Variants in PIK3CB observed in about 807,000 individuals in gnomAD.
The protein encoded by PIK3CB is phosphatidylinositol 4,5-bisphosphate 3-kinase catalytic subunit beta isoform.
PIK3CB carries 39 observed loss-of-function variants against 136.8 expected under a neutral mutation model. The ratio of observed to expected loss-of-function variants is 0.29; its 90% confidence interval spans 0.22 to 0.37. PIK3CB has a LOEUF of 0.37. Ranked by LOEUF, PIK3CB falls within the 10% of genes least tolerant of loss-of-function variation. The pLI, the probability that PIK3CB is intolerant of heterozygous loss-of-function variation, is 1.00. For missense variants in PIK3CB, 868 were observed against 1,275.4 expected, an observed-to-expected ratio of 0.68 and a Z score of 4.87; for synonymous variants, 428 against 436.6, an observed-to-expected ratio of 0.98 and a Z score of 0.25.
intron 1 of PIK3CB, among the ~76,000 whole-genome samples, chr3:138,820,193 A>T (rs1282450778): frequency 1.3e-5 from 2 of 152,174 alleles, no homozygotes; most frequent in Non-Finnish European, 2.9e-5. Context: ...ATGCTAATAT[A>T]TCCCCCAATA....
At chr3:138,832,830 CAAAAAAA>C (rs1219182171) in intron 1 of PIK3CB, among the ~76,000 whole-genome samples, 1,095 of 52,746 alleles carry the variant, frequency 0.021, 28 homozygotes, top group African/African-American at 0.07. Flanking sequence ...AACTCCGTCT[CAAAAAAA>C]AAAAAAAAAA....
intron 19 of PIK3CB, among the ~76,000 whole-genome samples, chr3:138,680,851 C>A (rs905715035): frequency 6.6e-6 from 1 of 151,878 alleles, no homozygotes; most frequent in African/African-American, 2.4e-5. Context: ...CCACAACCTA[C>A]TAATTTTTTG....
chr3:138,682,310 A>T lies in PIK3CB; in HGVS notation c.2426-265T>A, dbSNP rs138396912. On this transcript the variant is annotated intron_variant, in intron 18 of 23. Transcript: ENST00000674063. ...TAAGCATAGCTTCGGAGAACTTTTA[A>T]GATTTTCCTTCCTTGATTATATTCT... Among the ~76,000 whole-genome samples, 356 of 152,306 alleles carry T rather than the reference A, an allele frequency of 2.3e-3. 2 individuals are homozygous for T. Among genetic ancestry groups the T allele is most frequent in the Middle Eastern group, 0.01 (3 of 294 alleles).
chr3:138,664,937 T>G (rs1209117421), intron 20 of PIK3CB, 99 bp downstream of exon 20: 4 of 696,724 alleles, frequency 5.7e-6, no homozygotes, highest in Non-Finnish European at 6.7e-6. Flanking sequence ...TAAAAAACAC[T>G]AATATTTCCT....
At chr3:138,696,207 G>A (rs1187051356) in intron 13 of PIK3CB, among the ~76,000 whole-genome samples, 1 of 147,370 alleles carries the variant, frequency 6.8e-6, no homozygotes, top group Non-Finnish European at 1.5e-5. Flanking sequence ...GTAAGAGATA[G>A]GGTCTCATTC....
chr3:138,697,183 T>C (rs2044154807), intron 13 of PIK3CB, among the ~76,000 whole-genome samples: 1 of 152,172 alleles, frequency 6.6e-6, no homozygotes, highest in Non-Finnish European at 1.5e-5. Flanking sequence ...CACTAGACAC[T>C]ATCCAAAAGA....
At chr3:138,760,414 G>A (rs1356004536) in intron 2 of PIK3CB, among the ~76,000 whole-genome samples, 1 of 152,112 alleles carries the variant, frequency 6.6e-6, no homozygotes, top group Non-Finnish European at 1.5e-5. Flanking sequence ...ATGTTCACAT[G>A]AGGAATAAAC....
intron 22 of PIK3CB, among the ~76,000 whole-genome samples, chr3:138,656,604 T>C (rs2043196271): frequency 6.6e-6 from 1 of 152,200 alleles, no homozygotes; most frequent in Non-Finnish European, 1.5e-5. Context: ...TCAGTTATAA[T>C]TATAATCCAC....
At chr3:138,718,026 T>C (rs1379583650) in intron 8 of PIK3CB, among the ~76,000 whole-genome samples, 1 of 152,216 alleles carries the variant, frequency 6.6e-6, no homozygotes, top group Non-Finnish European at 1.5e-5. Flanking sequence ...GCTAGAATGA[T>C]TTCTATTCCT....
At chr3:138,660,874 A>T (rs2108404209) in intron 21 of PIK3CB, among the ~76,000 whole-genome samples, 1 of 152,380 alleles carries the variant, frequency 6.6e-6, no homozygotes, top group South Asian at 2.1e-4. Context: ...ATATTTAACA[A>T]TGAATCACTA....
At chr3:138,682,185 T>G in intron 18 of PIK3CB, 140 bp from the exon 19 acceptor site, 1 of 567,486 alleles carries the variant, frequency 1.8e-6, no homozygotes, top group South Asian at 2.6e-5. Context: ...TAACAAATAT[T>G]ACACTCTTTG....
At chr3:138,788,684 CA>C (rs1450328139) in intron 2 of PIK3CB, among the ~76,000 whole-genome samples, 1 of 120,172 alleles carries the variant, frequency 8.3e-6, no homozygotes, top group African/African-American at 3.2e-5. Flanking sequence ...AAAAAAAGGC[CA>C]GGGGCGGTGG....
intron 14 of PIK3CB, 39 bp downstream of exon 14, chr3:138,694,747 T>C (rs752529227): frequency 1.2e-6 from 2 of 1,604,656 alleles, no homozygotes; most frequent in African/African-American, 2.7e-5. Flanking sequence ...CCCACCCAAG[T>C]TATTCCTTGC....
intron 8 of PIK3CB, among the ~76,000 whole-genome samples, chr3:138,716,862 C>A (rs2044617898): frequency 7.3e-6 from 1 of 137,428 alleles, no homozygotes; most frequent in African/African-American, 2.8e-5. Flanking sequence ...CCACTACACT[C>A]CAGCCTGGGT....
chr3:138,821,632 A>C (rs1380728624), intron 1 of PIK3CB, among the ~76,000 whole-genome samples: 1 of 151,916 alleles, frequency 6.6e-6, no homozygotes, highest in Non-Finnish European at 1.5e-5. Context: ...TAAAAACACA[A>C]AAATTAGCTG....
chr3:138,772,272 A>G (rs1206924753), intron 2 of PIK3CB, among the ~76,000 whole-genome samples: 2 of 152,142 alleles, frequency 1.3e-5, no homozygotes, highest in Non-Finnish European at 2.9e-5. Flanking sequence ...GGAAGGAAAG[A>G]CACTCATACA....
At chr3:138,763,690 G>A (rs529159024) in intron 2 of PIK3CB, among the ~76,000 whole-genome samples, 1 of 152,314 alleles carries the variant, frequency 6.6e-6, no homozygotes, top group South Asian at 2.1e-4. Context: ...ATAATGCCCA[G>A]AGCAGCAATC....
intron 13 of PIK3CB, 98 bp downstream of exon 13, chr3:138,698,809 C>T: frequency 1.6e-6 from 1 of 643,368 alleles, no homozygotes; most frequent in East Asian, 2.8e-5. Context: ...TTAAATTATC[C>T]TATCTATGAA....
At chr3:138,807,790 T>C (rs2046250500) in intron 1 of PIK3CB, among the ~76,000 whole-genome samples, 1 of 151,686 alleles carries the variant, frequency 6.6e-6, no homozygotes, top group African/African-American at 2.4e-5. Context: ...CTATTTGAGA[T>C]GCTATGGTGG....
Sources: gnomAD v4.1 joint callset for allele counts (sites outside exome capture counted in the v4.1 genomes callset) on GRCh38, gnomAD v4.1.1 for gene constraint, MANE v1.5 for transcripts, NCBI Gene and HGNC (gene_info 2026-07-23, HGNC 2026-07-21) for gene names.